Variants in CTSC observed in about 807,000 individuals in gnomAD.
CTSC encodes dipeptidyl peptidase 1.
CTSC carries 37 observed loss-of-function variants against 40.9 expected under a neutral mutation model. The observed-to-expected ratio is 0.91, with a 90% CI of 0.70 to 1.19. The LOEUF (loss-of-function observed/expected upper bound fraction) is 1.19. Among genes scored for constraint, CTSC ranks in the 50% most tolerant of loss-of-function variants. The probability of loss-of-function intolerance (pLI) is 0.00; values close to 1 mark genes in which losing one functional copy is unlikely to be tolerated. For synonymous variants in CTSC, 232 were observed against 207.4 expected, an observed-to-expected ratio of 1.12 and a Z score of -1.02; for missense variants, 594 against 567.3, an observed-to-expected ratio of 1.05 and a Z score of -0.48.
intron 3 of CTSC, among the ~76,000 whole-genome samples, chr11:88,309,683 T>C (rs1937705240): frequency 6.6e-6 from 1 of 152,060 alleles, no homozygotes; most frequent in South Asian, 2.1e-4. Flanking sequence ...ACAACTATAT[T>C]ATATTAAATA....
At chr11:88,323,200 G>A (rs1938075379) in intron 2 of CTSC, 2 of 152,168 alleles carry the variant, frequency 1.3e-5, no homozygotes, top group East Asian at 3.9e-4. Flanking sequence ...CACAGAAAAG[G>A]CCTTCGATAC....
chr11:88,325,311 G>C, intron 2 of CTSC: 1 of 985,384 alleles, frequency 1.0e-6, no homozygotes, highest in African/African-American at 1.7e-5. Context: ...AAAAACCCTG[G>C]TTTAGGCAAG....
chr11:88,330,397 G>T (rs1938316919), intron 2 of CTSC, among the ~76,000 whole-genome samples: 1 of 152,078 alleles, frequency 6.6e-6, no homozygotes, highest in Admixed American at 6.6e-5. Flanking sequence ...CACCCAGGCT[G>T]GAGTGCAATG....
intron 6 of CTSC, among the ~76,000 whole-genome samples, chr11:88,294,866 G>A (rs1202026375): frequency 1.3e-5 from 2 of 152,096 alleles, no homozygotes; most frequent in Non-Finnish European, 2.9e-5. Flanking sequence ...TTCCTCATAG[G>A]GTTAAATTAG....
intron 4 of CTSC, 137 bp downstream of exon 4, chr11:88,309,026 A>G: frequency 1.4e-6 from 1 of 739,862 alleles, no homozygotes; most frequent in Non-Finnish European, 2.4e-6. Context: ...GGAGATAAAG[A>G]TCGTTAACAG....
intron 6 of CTSC, among the ~76,000 whole-genome samples, chr11:88,295,546 A>AT (rs1391921379): frequency 2.1e-4 from 32 of 151,830 alleles, no homozygotes; most frequent in Admixed American, 2.1e-3. Context: ...CGCCCAGCTA[A>AT]TTTTTTGTAT....
intron 5 of CTSC, chr11:88,298,316 C>T (rs1228348854): frequency 2.6e-5 from 4 of 152,150 alleles, no homozygotes; most frequent in Middle Eastern, 6.8e-3. Flanking sequence ...CCCATTCTGC[C>T]GTATTTCTAA....
Position 88,337,484 on chromosome 11 carries a change from C to T in CTSC, c.172+17G>A. On this transcript the variant is annotated intron_variant, in intron 1 of 6. Transcript: ENST00000227266. ...GCAGAAAGGACGACCCGGAGGACTG[C>T]CGAGCCGGCGGCTTACCCATAACCG... 6.4e-7 allele frequency: 1 copy of T among 1,561,588 alleles called. No individual in the cohort carries two copies. The highest frequency in any genetic ancestry group is 8.7e-7 in the Non-Finnish European group (1 of 1,152,360).
At chr11:88,334,504 T>C (rs1370762502) in intron 2 of CTSC, among the ~76,000 whole-genome samples, 1 of 152,206 alleles carries the variant, frequency 6.6e-6, no homozygotes, top group Non-Finnish European at 1.5e-5. Flanking sequence ...ATGAATCATT[T>C]AGGCCTATCA....
rs1315884940 is a variant in CTSC, at chr11:88,294,086, A to G, written c.1312T>C (p.Tyr438His). ...SWGTGWGENG[Y>H]FRIRRGTDEC... ...TCAGTTCCTCTGCGGATCCGGAAGT[A>G]GCCATTCTCACCCCAGCCGGTGCCC... Residue 438 changes from tyrosine (Y) to histidine (H), a missense_variant, in exon 7 of 7, where the codon TAC becomes CAC. Coordinates refer to ENST00000227266, the MANE Select transcript of CTSC (RefSeq NM_001814.6). The G allele has an allele frequency of 3.1e-6, 5 of 1,614,000 alleles. No individual in the cohort carries two copies. The highest frequency in any genetic ancestry group is 1.7e-5 in the Admixed American group (1 of 59,966).
chr11:88,321,113 A>C, intron 2 of CTSC: 1 of 812,330 alleles, frequency 1.2e-6, no homozygotes, highest in Non-Finnish European at 1.5e-6. Context: ...GTAATTTTTA[A>C]AATTCCATAT....
chr11:88,337,611 G>A lies in CTSC; in HGVS notation c.62C>T (p.Ala21Val), dbSNP rs565974436. 1.3e-6 allele frequency: 2 copies of A among 1,581,384 alleles called. No homozygotes were observed. The highest frequency in any genetic ancestry group is 2.7e-5 in the African/African-American group (2 of 74,346). The change falls in exon 1 of 7, where the codon GCC becomes GTC. Residue 21 changes from alanine to valine, a missense_variant. By Grantham distance (64) the Ala-to-Val change is moderately conservative. Transcript: ENST00000227266. ...ALLLLLSGDG[A>V]VRCDTPANCT... ...GTTGGCAGGTGTGTCGCAGCGCACG[G>A]CGCCGTCGCCGGAGAGAAGCAGCAG...
At chr11:88,316,939 T>C (rs1360156322) in intron 2 of CTSC, among the ~76,000 whole-genome samples, 1 of 152,172 alleles carries the variant, frequency 6.6e-6, no homozygotes, top group African/African-American at 2.4e-5. Context: ...AGCTTTCTAA[T>C]TGCAAATCCT....
At chr11:88,330,684 G>C (rs1347269390) in intron 2 of CTSC, among the ~76,000 whole-genome samples, 1 of 152,042 alleles carries the variant, frequency 6.6e-6, no homozygotes, top group East Asian at 1.9e-4. Context: ...AGTACCTCCT[G>C]CTCAACTCAA....
intron 2 of CTSC, among the ~76,000 whole-genome samples, chr11:88,314,086 A>G (rs966934884): frequency 6.6e-6 from 1 of 152,110 alleles, no homozygotes; most frequent in African/African-American, 2.4e-5. Context: ...CTCCTGCTCT[A>G]CTCTAATACA....
Position 88,309,211 on chromosome 11 carries a change from AG to A in CTSC, c.592del (p.Leu198TrpfsTer4). On this transcript the variant is annotated frameshift_variant, in exon 4 of 7. Coordinates refer to ENST00000227266, the MANE Select transcript of CTSC (RefSeq NM_001814.6). LOFTEE classifies it high-confidence loss of function. ...TTYMEYETLT[L>X]GDMIRRSGGH... ...ACCACTTCTCCTAATCATATCTCCC[AG>A]GGTAAGAGTCTCATATTCCATGTAT... 4 of 1,614,066 alleles carry A rather than the reference AG, an allele frequency of 2.5e-6. No individual in the cohort carries two copies. The South Asian group carries it at 3.3e-5, about 13-fold the overall frequency.
intron 3 of CTSC, among the ~76,000 whole-genome samples, chr11:88,310,209 C>T (rs1027261408): frequency 6.6e-6 from 1 of 150,708 alleles, no homozygotes; most frequent in East Asian, 1.9e-4. Flanking sequence ...AACAAGATCC[C>T]CAAGTGATTC....
chr11:88,321,582 T>G (rs1938015501), intron 2 of CTSC: 1 of 152,194 alleles, frequency 6.6e-6, no homozygotes, highest in Non-Finnish European at 1.5e-5. Context: ...AGCTTCCAAC[T>G]CCATCCATGT....
At chr11:88,305,928 C>G (rs1937626935) in intron 4 of CTSC, among the ~76,000 whole-genome samples, 1 of 152,190 alleles carries the variant, frequency 6.6e-6, no homozygotes, top group Non-Finnish European at 1.5e-5. Flanking sequence ...CACAGTCTCC[C>G]TAGGCTCAAG....
Sources: gnomAD v4.1 joint callset for allele counts (sites outside exome capture counted in the v4.1 genomes callset) on GRCh38, gnomAD v4.1.1 for gene constraint, MANE v1.5 for transcripts, NCBI Gene and HGNC (gene_info 2026-07-23, HGNC 2026-07-21) for gene names.